Variants in SOAT1 observed in about 807,000 individuals in gnomAD.
SOAT1 encodes sterol O-acyltransferase 1, also known as acyl-coenzyme A:cholesterol acyltransferase 1.
Under a neutral mutation model 69.5 loss-of-function variants are expected in SOAT1, and 55 were observed. That is an observed-to-expected ratio of 0.79 (90% CI 0.64 to 0.99). SOAT1 has a LOEUF of 0.99. Ranked by LOEUF, SOAT1 falls within the 50% of genes least tolerant of loss-of-function variation. SOAT1 has a pLI of 0.00. For missense variants in SOAT1, 580 were observed against 669.3 expected (o/e 0.87, Z 1.47); for synonymous variants, 231 against 224.7 (o/e 1.03, Z -0.25).
chr1:179,350,284 C>T lies in SOAT1; in HGVS notation c.1315-12C>T. On this transcript the variant is annotated splice_polypyrimidine_tract_variant and intron_variant, in intron 13 of 15. Coordinates refer to ENST00000367619, the MANE Select transcript of SOAT1 (RefSeq NM_003101.6). ...TTAAAAATTACTTTGTAGTGTTTTC[C>T]TTTTTCTTTAGTTTTTCTCCAAGAG... The T allele has an allele frequency of 6.2e-7, 1 of 1,608,616 alleles. No individual in the cohort carries two copies.
At chr1:179,319,351 C>T (rs1046933583) in intron 2 of SOAT1, among the ~76,000 whole-genome samples, 4 of 150,560 alleles carry the variant, frequency 2.7e-5, no homozygotes, top group Admixed American at 1.3e-4. Context: ...CTCACTGCAA[C>T]CTCCGCCTCC....
intron 11 of SOAT1, among the ~76,000 whole-genome samples, chr1:179,345,795 C>T (rs1168480223): frequency 1.3e-5 from 2 of 152,166 alleles, no homozygotes; most frequent in East Asian, 3.8e-4. Flanking sequence ...AGTTATCCTC[C>T]TGTCTCAGCC....
intron 3 of SOAT1, among the ~76,000 whole-genome samples, chr1:179,332,702 G>C (rs1403260958): frequency 6.6e-6 from 1 of 152,036 alleles, no homozygotes; most frequent in Non-Finnish European, 1.5e-5. Context: ...ATTATTTTCA[G>C]GTTACTGATA....
intron 1 of SOAT1, among the ~76,000 whole-genome samples, chr1:179,302,371 G>T (rs1664860371): frequency 6.6e-6 from 1 of 152,190 alleles, no homozygotes; most frequent in Non-Finnish European, 1.5e-5. Flanking sequence ...GAGGGAACTG[G>T]TGGGAGGTGA....
At chr1:179,302,859 G>A (rs928113262) in intron 2 of SOAT1, 57 bp downstream of exon 2, 5 of 889,802 alleles carry the variant, frequency 5.6e-6, no homozygotes, top group Non-Finnish European at 6.8e-6. Flanking sequence ...CAAATACAGT[G>A]TTATAGAATA....
intron 11 of SOAT1, among the ~76,000 whole-genome samples, chr1:179,346,569 G>A (rs1004547705): frequency 3.3e-5 from 5 of 152,144 alleles, no homozygotes; most frequent in Non-Finnish European, 5.9e-5. Context: ...ACCCAGTTGT[G>A]GATAATGTTT....
At chr1:179,294,978 T>TA (rs372642738) in intron 1 of SOAT1, among the ~76,000 whole-genome samples, 55 of 152,158 alleles carry the variant, frequency 3.6e-4, no homozygotes, top group African/African-American at 1.3e-3. Flanking sequence ...GCGGTGTCAG[T>TA]GAATGACTTG....
At chr1:179,323,529 A>G (rs951878142) in intron 3 of SOAT1, 34 bp downstream of exon 3, 30 of 1,565,440 alleles carry the variant, frequency 1.9e-5, no homozygotes, top group Non-Finnish European at 2.6e-5. Flanking sequence ...ACAAAAATGT[A>G]GAGTTTTAGA....
chr1:179,353,420 G>C (rs1310039115), intron 15 of SOAT1, among the ~76,000 whole-genome samples, 165 bp from the exon 16 acceptor site: 1 of 150,862 alleles, frequency 6.6e-6, no homozygotes, highest in African/African-American at 2.4e-5. Context: ...TAAAAGTACT[G>C]AACATCTTTT....
intron 3 of SOAT1, among the ~76,000 whole-genome samples, chr1:179,334,952 T>TTGCG (rs1368849387): frequency 7.3e-6 from 1 of 137,742 alleles, no homozygotes; most frequent in Non-Finnish European, 1.5e-5. Context: ...GAGGCGGAGG[T>TTGCG]TGCGGTGAGC....
intron 3 of SOAT1, among the ~76,000 whole-genome samples, chr1:179,324,476 T>C (rs1244383186): frequency 6.6e-6 from 1 of 152,232 alleles, no homozygotes; most frequent in East Asian, 1.9e-4. Context: ...GGCATATTTG[T>C]GATGACTGCA....
intron 2 of SOAT1, among the ~76,000 whole-genome samples, chr1:179,318,626 C>CCG (rs1175163427): frequency 6.6e-6 from 1 of 152,038 alleles, no homozygotes; most frequent in East Asian, 1.9e-4. Context: ...TGCCATAACC[C>CCG]CGCGCCTCAC....
intron 2 of SOAT1, among the ~76,000 whole-genome samples, chr1:179,306,909 A>G (rs1360804221): frequency 1.3e-5 from 2 of 151,458 alleles, no homozygotes; most frequent in African/African-American, 4.8e-5. Context: ...GGATTGTTGT[A>G]GTAGGAAATA....
intron 2 of SOAT1, among the ~76,000 whole-genome samples, chr1:179,315,814 T>C (rs1665372579): frequency 6.6e-6 from 1 of 152,234 alleles, no homozygotes; most frequent in Non-Finnish European, 1.5e-5. Context: ...ATTAATCTTT[T>C]ACAGTCTCCT....
chr1:179,337,695 G>A (rs1158588238), intron 4 of SOAT1, 142 bp from the exon 5 acceptor site: 3 of 534,812 alleles, frequency 5.6e-6, no homozygotes, highest in Non-Finnish European at 1.0e-5. Flanking sequence ...CATGGTGGCG[G>A]GCATCTGTAA....
In SOAT1 at chr1:179,341,193, C is replaced by T; in HGVS notation, c.663C>T (p.Leu221=). Residue 221 remains leucine, a synonymous_variant, in exon 7 of 16, where the codon CTC becomes CTT. Coordinates refer to ENST00000367619, the MANE Select transcript of SOAT1 (RefSeq NM_003101.6). ...SKSSHPLIRS[L]FHGFLFMIFQ... ...GTTCTCATCCGCTGATCCGTTCTCT[C>T]TTCCATGGCTTTCTTTTCATGATCT... 2 of 1,614,148 alleles carry T rather than the reference C, an allele frequency of 1.2e-6. No individual in the cohort carries two copies. Among genetic ancestry groups the T allele is most frequent in the Non-Finnish European group, 1.7e-6 (2 of 1,180,020 alleles).
chr1:179,326,499 G>A (rs1347018793), intron 3 of SOAT1, among the ~76,000 whole-genome samples: 1 of 148,482 alleles, frequency 6.7e-6, no homozygotes, highest in Non-Finnish European at 1.5e-5. Flanking sequence ...ATTATTTGCT[G>A]TCTAATGAGA....
chr1:179,313,835 C>T (rs1453539127), intron 2 of SOAT1, among the ~76,000 whole-genome samples: 3 of 152,156 alleles, frequency 2.0e-5, no homozygotes, highest in African/African-American at 4.8e-5. Context: ...CTGCCTGCCT[C>T]GGCCTCCCAA....
chr1:179,315,032 A>G (rs1665343326), intron 2 of SOAT1, among the ~76,000 whole-genome samples: 1 of 152,186 alleles, frequency 6.6e-6, no homozygotes, highest in Non-Finnish European at 1.5e-5. Context: ...GTGTGTTACT[A>G]GAGGGAGGCA....
Sources: allele counts gnomAD v4.1 joint callset (sites outside exome capture counted in the v4.1 genomes callset), GRCh38; gene constraint gnomAD v4.1.1; transcripts MANE v1.5; gene names NCBI Gene and HGNC (gene_info 2026-07-23, HGNC 2026-07-21).